PCBP3: variants seen among roughly 807,000 people sequenced by gnomAD.
The protein encoded by PCBP3 is poly(rC)-binding protein 3.
In PCBP3, 25 loss-of-function variants were observed where a neutral mutation model predicts 52.7. That is an observed-to-expected ratio of 0.47 (90% CI 0.35 to 0.66). The LOEUF (loss-of-function observed/expected upper bound fraction) is 0.66. PCBP3 is among the 30% of genes least tolerant of loss of function. PCBP3 has a pLI of 0.01. For missense variants in PCBP3, 391 were observed against 490.3 expected, an observed-to-expected ratio of 0.80 and a Z score of 1.91; for synonymous variants, 162 against 183.0, an observed-to-expected ratio of 0.89 and a Z score of 0.93.
Position 45,940,158 on chromosome 21 carries a change from C to T in PCBP3, c.1038C>T (p.Thr346=), listed in dbSNP as rs770867731. The T allele has an allele frequency of 3.7e-6, 6 of 1,613,946 alleles. No individual in the cohort carries two copies. The highest frequency in any genetic ancestry group is 3.3e-5 in the Admixed American group (2 of 60,002). Residue 346 remains threonine (T), a synonymous_variant, in exon 17 of 18, where the codon ACC becomes ACT. Transcript: ENST00000681687. The part of the protein sequence containing the change: ...SSERQITITG[T]PANISLAQYL... The stretch of plus-strand genomic sequence containing the variant: ...AGCGTCAGATCACCATCACGGGGAC[C>T]CCGGCCAACATCAGCCTTGCCCAGT...
chr21:45,812,469 C>T (rs1374472616), intron 4 of PCBP3, among the ~76,000 whole-genome samples: 1 of 152,146 alleles, frequency 6.6e-6, no homozygotes, highest in African/African-American at 2.4e-5. Flanking sequence ...GCAGTGGTGC[C>T]ATCTCGGCTC....
At chr21:45,774,484 C>T (rs987240670) in intron 4 of PCBP3, among the ~76,000 whole-genome samples, 2 of 151,932 alleles carry the variant, frequency 1.3e-5, no homozygotes, top group African/African-American at 4.8e-5. Context: ...ATTTGACTTC[C>T]TCTTTTTCAA....
At chr21:45,883,220 T>C (rs2095442599) in intron 5 of PCBP3, among the ~76,000 whole-genome samples, 1 of 152,240 alleles carries the variant, frequency 6.6e-6, no homozygotes, top group Non-Finnish European at 1.5e-5. Context: ...CTTTCCATGA[T>C]TGATTCTGGT....
chr21:45,658,460 T>C (rs2080167143), intron 1 of PCBP3, among the ~76,000 whole-genome samples: 1 of 152,124 alleles, frequency 6.6e-6, no homozygotes, highest in African/African-American at 2.4e-5. Flanking sequence ...CGTGCCACCA[T>C]GCATGGCTAA....
intron 4 of PCBP3, among the ~76,000 whole-genome samples, chr21:45,806,410 G>A (rs1603437090): frequency 6.6e-6 from 1 of 150,978 alleles, no homozygotes; most frequent in Non-Finnish European, 1.5e-5. Context: ...AGATCCACTG[G>A]CACATAACCG....
At chr21:45,756,992 C>G (rs1026834648) in intron 4 of PCBP3, among the ~76,000 whole-genome samples, 1 of 152,154 alleles carries the variant, frequency 6.6e-6, no homozygotes, top group Non-Finnish European at 1.5e-5. Context: ...ACAAACATTC[C>G]TGTACAAGTT....
In PCBP3 at chr21:45,850,107, TC is replaced by T; in HGVS notation, c.10+13del. 1 of 1,549,004 alleles carries T rather than the reference TC, an allele frequency of 6.5e-7. No homozygotes were observed. The highest frequency in any genetic ancestry group is 1.2e-5 in the South Asian group (1 of 84,008). ...GCTTATGGGGGAAGGTGAGTTACTG[TC>T]TTTTGTTTCCATGTTTGTTTGTTTA... is the stretch of plus-strand genomic sequence containing the variant. On this transcript the variant is annotated intron_variant, in intron 5 of 17. Transcript: ENST00000681687.
At chr21:45,911,187 C>T (rs536346648) in intron 11 of PCBP3, 157 bp downstream of exon 11, 25 of 806,394 alleles carry the variant, frequency 3.1e-5, no homozygotes, top group Non-Finnish European at 3.9e-5. Flanking sequence ...AGAGCGGTGC[C>T]GGTATGGGCG....
intron 4 of PCBP3, among the ~76,000 whole-genome samples, chr21:45,771,784 G>A (rs2089888662): frequency 6.6e-6 from 1 of 152,124 alleles, no homozygotes; most frequent in Non-Finnish European, 1.5e-5. Context: ...AAGAGGCATT[G>A]GAATTGAAAA....
At chr21:45,803,025 A>G (rs1371701314) in intron 4 of PCBP3, among the ~76,000 whole-genome samples, 1 of 152,256 alleles carries the variant, frequency 6.6e-6, no homozygotes, top group Non-Finnish European at 1.5e-5. Context: ...TTGAAAACAA[A>G]AATTGTTTTG....
At position 45,941,785 on chromosome 21, in the gene PCBP3, C is replaced by T; in HGVS notation, c.*79C>T. 2 of 1,124,596 alleles carry T rather than the reference C, an allele frequency of 1.8e-6. No homozygotes were observed. Among genetic ancestry groups the T allele is most frequent in the South Asian group, 1.5e-5 (1 of 65,294 alleles). The allele number at this position is 1,124,596 out of a possible 1,614,324, so 69.7% of individuals were successfully genotyped here. ...CGGCTCTCGCACTCTGTACAGCCCA[C>T]CTTCCCTGCCTCACAGATACCAATA... On this transcript the variant is annotated 3_prime_UTR_variant, in exon 18 of 18. Transcript: ENST00000681687.
chr21:45,837,010 C>T lies in PCBP3; in HGVS notation c.-125-12951C>T, dbSNP rs1458130350. Among the ~76,000 whole-genome samples, 2 of 152,122 alleles carry T rather than the reference C, an allele frequency of 1.3e-5. No individual in the cohort carries two copies. The highest frequency in any genetic ancestry group is 4.8e-5 in the African/African-American group (2 of 41,422). ...CTTCCGTGGACATTCCTGTGTGTTT[C>T]TTTTGGTGCACACATGAGGTGTTTT... On this transcript the variant is annotated intron_variant, in intron 4 of 17. Coordinates refer to ENST00000681687, the MANE Select transcript of PCBP3 (RefSeq NM_001384156.1). This position sits in a 1 kb window ranked among gnomAD's most constrained non-coding sequence, Gnocchi z 4.1.
At chr21:45,922,890 A>G (rs1183477500) in intron 13 of PCBP3, among the ~76,000 whole-genome samples, 1 of 152,246 alleles carries the variant, frequency 6.6e-6, no homozygotes, top group Non-Finnish European at 1.5e-5. Flanking sequence ...GCAGATGTGC[A>G]GCAACGCTGG....
At chr21:45,792,303 G>T (rs544569614) in intron 4 of PCBP3, among the ~76,000 whole-genome samples, 68 of 152,382 alleles carry the variant, frequency 4.5e-4, no homozygotes, top group African/African-American at 1.6e-3. Flanking sequence ...GCCTTGGGAT[G>T]CCAGGAGGGG....
chr21:45,826,572 A>G (rs1345229710), intron 4 of PCBP3, among the ~76,000 whole-genome samples: 1 of 152,142 alleles, frequency 6.6e-6, no homozygotes, highest in African/African-American at 2.4e-5. Context: ...TGTCCTCCCC[A>G]CCAGGCATGA....
At chr21:45,814,942 ATGAGTGGTGAGTGAGTGG>A (rs2092830664) in intron 4 of PCBP3, among the ~76,000 whole-genome samples, 2 of 106,070 alleles carry the variant, frequency 1.9e-5, no homozygotes, top group African/African-American at 7.4e-5. Flanking sequence ...GTAGTGAGTG[ATGAGTGGTGAGTGAGTGG>A]TGAGTGGTGA....
chr21:45,780,275 A>C lies in PCBP3; in HGVS notation c.-126+24823A>C, dbSNP rs79306389. 3.2e-3 allele frequency among the ~76,000 whole-genome samples: 492 copies of C among 152,400 alleles called. 1 individual carries two copies. The highest frequency in any genetic ancestry group is 5.4e-3 in the Non-Finnish European group (368 of 68,050). On this transcript the variant is annotated intron_variant, in intron 4 of 17. Coordinates refer to ENST00000681687, the MANE Select transcript of PCBP3 (RefSeq NM_001384156.1). ...TACACACATTTATACACTGGGCTTC[A>C]TAAAATTAAAAAATTTCTGCTCTTC...
chr21:45,766,192 G>T (rs971083190), intron 4 of PCBP3, among the ~76,000 whole-genome samples: 1 of 152,222 alleles, frequency 6.6e-6, no homozygotes, highest in Admixed American at 6.5e-5. Context: ...CAGACTGGCC[G>T]CTGGAGTGGC....
Position 45,903,479 on chromosome 21 carries a change from C to G in PCBP3, c.339+2366C>G, listed in dbSNP as rs140468515. 4.8e-3 allele frequency among the ~76,000 whole-genome samples: 727 copies of G among 152,132 alleles called. 5 individuals carry two copies. The highest frequency in any genetic ancestry group is 0.016 in the African/African-American group (670 of 41,452). On this transcript the variant is annotated intron_variant, in intron 9 of 17. Transcript: ENST00000681687. ...TTCCCCAGGGTCCCATTTGATGAGACTGGCATGTCTAGAGATGTGCATCCC... is the reference window on the plus strand; with the variant it reads ...TTCCCCAGGGTCCCATTTGATGAGAGTGGCATGTCTAGAGATGTGCATCCC...
Sources: allele counts gnomAD v4.1 joint callset (sites outside exome capture counted in the v4.1 genomes callset), GRCh38; gene constraint gnomAD v4.1.1; non-coding constraint Gnocchi (gnomAD v3.1); transcripts MANE v1.5; gene names NCBI Gene and HGNC (gene_info 2026-07-23, HGNC 2026-07-21).